NLRP1: variants seen among roughly 807,000 people sequenced by gnomAD.
NLRP1 encodes NACHT, LRR and PYD domains-containing protein 1.
In NLRP1, 94 loss-of-function variants were observed where a neutral mutation model predicts 136.7. That is an observed-to-expected ratio of 0.69 (90% CI 0.58 to 0.82). The LOEUF is 0.82. Among genes scored for constraint, NLRP1 ranks in the 40% least tolerant of loss-of-function variants. The pLI is 0.00. For missense variants in NLRP1, 1,575 were observed against 1,802.7 expected, an observed-to-expected ratio of 0.87 and a Z score of 2.29; for synonymous variants, 690 against 725.1, an observed-to-expected ratio of 0.95 and a Z score of 0.78.
intron 13 of NLRP1, 106 bp from the exon 14 acceptor site, chr17:5,521,118 T>C: frequency 8.6e-7 from 1 of 1,164,158 alleles, no homozygotes; most frequent in Non-Finnish European, 1.2e-6. Context: ...AGAGTGGGGC[T>C]ATATCACCCC....
rs781139825 is a variant in NLRP1, at chr17:5,515,012, C to T, written c.4164G>A (p.Gln1388=). The T allele has an allele frequency of 1.2e-6, 2 of 1,614,220 alleles. No individual in the cohort carries two copies. Among genetic ancestry groups the T allele is most frequent in the Non-Finnish European group, 1.7e-6 (2 of 1,180,048 alleles). ...CCACCGATGTCACTCGGGCTATCAGCTGCTCTCGATACTGGTCCACAAAGT... is the reference window on the plus strand; with the variant it reads ...CCACCGATGTCACTCGGGCTATCAGTTGCTCTCGATACTGGTCCACAAAGT... ...LLHFVDQYRE[Q]LIARVTSVEV... is the part of the protein sequence containing the mutation. Residue 1388 remains glutamine (Q), a synonymous_variant, in exon 17 of 17, where the codon CAG becomes CAA. Coordinates refer to ENST00000572272, the MANE Select transcript of NLRP1 (RefSeq NM_033004.4).
At chr17:5,502,971 A>G (rs1332259504) in intron 15 of NLRP1, 3 of 152,216 alleles carry the variant, frequency 2.0e-5, no homozygotes, top group Admixed American at 6.6e-5. Context: ...AATGGCGTGA[A>G]GAATGGAATG....
chr17:5,553,298 C>A, intron 5 of NLRP1, 88 bp downstream of exon 5: 1 of 1,249,974 alleles, frequency 8.0e-7, no homozygotes, highest in Non-Finnish European at 1.1e-6. Flanking sequence ...TTGATAAATA[C>A]AAAGACAAAT....
chr17:5,503,558 C>T (rs1907191111), intron 15 of NLRP1: 1 of 151,956 alleles, frequency 6.6e-6, no homozygotes, highest in African/African-American at 2.4e-5. Flanking sequence ...GAATATATCA[C>T]AAAACAGTGC....
intron 3 of NLRP1, among the ~76,000 whole-genome samples, chr17:5,560,608 T>C (rs1224271918): frequency 6.6e-6 from 1 of 152,170 alleles, no homozygotes; most frequent in Non-Finnish European, 1.5e-5. Context: ...AGTTCTCCAG[T>C]CCAGGAGGTG....
chr17:5,561,426 GTTTTTTTTTTTTT>G (rs61194384), intron 3 of NLRP1, among the ~76,000 whole-genome samples: 1 of 50,426 alleles, frequency 2.0e-5, no homozygotes, highest in Non-Finnish European at 3.6e-5. Flanking sequence ...ATGCCATGTG[GTTTTTTTTTTTTT>G]TTTTTTTTTT....
At chr17:5,517,937 G>T in intron 14 of NLRP1, 50 bp from the exon 15 acceptor site, 1 of 1,600,914 alleles carries the variant, frequency 6.2e-7, no homozygotes, top group East Asian at 2.2e-5. Context: ...TGCATGGAAG[G>T]TCTTTCCCCA....
At chr17:5,527,163 C>T (rs1260169890) in intron 12 of NLRP1, among the ~76,000 whole-genome samples, 4 of 152,132 alleles carry the variant, frequency 2.6e-5, no homozygotes, top group African/African-American at 9.7e-5. Flanking sequence ...GGTGTCCAAT[C>T]TTTTGGCTTC....
intron 3 of NLRP1, among the ~76,000 whole-genome samples, chr17:5,576,012 C>G (rs918432856): frequency 1.3e-5 from 2 of 152,178 alleles, no homozygotes; most frequent in Non-Finnish European, 2.9e-5. Flanking sequence ...GAACAACCTG[C>G]TCCTGAATGA....
chr17:5,507,640 C>G (rs927936765), intron 15 of NLRP1, among the ~76,000 whole-genome samples: 25 of 152,128 alleles, frequency 1.6e-4, no homozygotes, highest in African/African-American at 5.8e-4. Context: ...CTGGCTAACA[C>G]AGTGAAACCC....
At chr17:5,529,469 G>A (rs1380698327) in intron 12 of NLRP1, among the ~76,000 whole-genome samples, 4 of 151,282 alleles carry the variant, frequency 2.6e-5, no homozygotes, top group Non-Finnish European at 5.9e-5. Context: ...CTGGGTTCAC[G>A]CCATTCTCCT....
At position 5,558,360 on chromosome 17, in the gene NLRP1, C is replaced by G. The variant is rs1242167718; in HGVS notation, c.2336G>C (p.Trp779Ser). Residue 779 changes from tryptophan to serine, a missense_variant, in exon 4 of 17, where the codon TGG becomes TCG. Transcript: ENST00000572272. ...LIEGRQHRST[W>S]SPTMVVLFRW... is the part of the protein sequence containing the mutation. Reference sequence around the variant, plus strand: ...TCACAGGACTACCATGGTGGGGCTCCATGTTGATCTGTGCTGCCTGCCCTC... The same window carrying G: ...TCACAGGACTACCATGGTGGGGCTCGATGTTGATCTGTGCTGCCTGCCCTC... 15 of 1,609,044 alleles carry G rather than the reference C, an allele frequency of 9.3e-6. No homozygotes were observed. Among genetic ancestry groups the G allele is most frequent in the Non-Finnish European group, 1.2e-5 (14 of 1,177,384 alleles).
chr17:5,561,807 C>G (rs1384372227), intron 3 of NLRP1, among the ~76,000 whole-genome samples: 1 of 152,236 alleles, frequency 6.6e-6, no homozygotes, highest in African/African-American at 2.4e-5. Flanking sequence ...AGGTTCCCCA[C>G]TTGGACAGCA....
chr17:5,554,660 G>A (rs933129526), intron 4 of NLRP1, among the ~76,000 whole-genome samples: 1 of 152,126 alleles, frequency 6.6e-6, no homozygotes. Flanking sequence ...AGCTACTAAA[G>A]AGTATCCCAA....
At chr17:5,553,079 C>CCTCCTGCCTT (rs1340561630) in intron 5 of NLRP1, among the ~76,000 whole-genome samples, 1 of 152,230 alleles carries the variant, frequency 6.6e-6, no homozygotes, top group Non-Finnish European at 1.5e-5. Context: ...TTGACTGCCT[C>CCTCCTGCCTT]CTCCTGCCTT....
intron 8 of NLRP1, 34 bp from the exon 9 acceptor site, chr17:5,534,022 T>C (rs374441500): frequency 2.0e-6 from 3 of 1,474,600 alleles, no homozygotes; most frequent in Non-Finnish European, 2.8e-6. Context: ...GCCTAAGATC[T>C]TGGAGGAAGC....
At chr17:5,538,915 C>CA (rs1911465892) in intron 7 of NLRP1, among the ~76,000 whole-genome samples, 1 of 152,178 alleles carries the variant, frequency 6.6e-6, no homozygotes. Context: ...GAGTCTCACT[C>CA]TGTTGCCCAG....
At chr17:5,545,388 A>C (rs1451021825) in intron 5 of NLRP1, among the ~76,000 whole-genome samples, 1 of 151,586 alleles carries the variant, frequency 6.6e-6, no homozygotes, top group Non-Finnish European at 1.5e-5. Context: ...ACACCCACAC[A>C]CAGACACACA....
chr17:5,562,531 G>C (rs911458624), intron 3 of NLRP1, among the ~76,000 whole-genome samples: 1 of 152,128 alleles, frequency 6.6e-6, no homozygotes, highest in African/African-American at 2.4e-5. Flanking sequence ...GCCCAGGAGT[G>C]GACTAAGTGA....
Sources: gnomAD v4.1 joint callset for allele counts (sites outside exome capture counted in the v4.1 genomes callset) on GRCh38, gnomAD v4.1.1 for gene constraint, MANE v1.5 for transcripts, NCBI Gene and HGNC (gene_info 2026-07-23, HGNC 2026-07-21) for gene names.